The following NCAM2 variants were observed in gnomAD, a reference collection of about 807,000 sequenced individuals.
NCAM2 encodes neural cell adhesion molecule 2, also known as N-CAM-2.
NCAM2 carries 30 observed loss-of-function variants against 98.1 expected under a neutral mutation model. That is an observed-to-expected ratio of 0.31 (90% confidence interval 0.23 to 0.41). The LOEUF is 0.41. NCAM2 is among the 10% of genes least tolerant of loss of function. NCAM2 has a pLI of 1.00. For synonymous variants in NCAM2, 368 were observed against 342.4 expected, an observed-to-expected ratio of 1.07 and a Z score of -0.83; for missense variants, 867 against 1,005.8, an observed-to-expected ratio of 0.86 and a Z score of 1.87.
intron 16 of NCAM2, among the ~76,000 whole-genome samples, chr21:21,512,666 G>C (rs144429533): frequency 9.2e-5 from 14 of 152,022 alleles, no homozygotes; most frequent in African/African-American, 3.4e-4. Flanking sequence ...TGAATCTGTA[G>C]ATTTCTTTGA....
chr21:21,171,587 C>T (rs2068126168), intron 1 of NCAM2, among the ~76,000 whole-genome samples: 1 of 152,110 alleles, frequency 6.6e-6, no homozygotes, highest in South Asian at 2.1e-4. Context: ...TTTTCTTAAC[C>T]ACCCTTGACT....
At chr21:21,364,566 T>A (rs2075735906) in intron 8 of NCAM2, among the ~76,000 whole-genome samples, 1 of 151,924 alleles carries the variant, frequency 6.6e-6, no homozygotes, top group African/African-American at 2.4e-5. Context: ...ATGTGATTGT[T>A]TAAAAAGAAA....
At chr21:21,525,863 A>G (rs1442785677) in intron 16 of NCAM2, among the ~76,000 whole-genome samples, 2 of 152,144 alleles carry the variant, frequency 1.3e-5, no homozygotes, top group Non-Finnish European at 2.9e-5. Context: ...TAAAAAATCA[A>G]TGTAAATCCA....
chr21:21,249,196 G>T (rs1367363589), intron 1 of NCAM2, among the ~76,000 whole-genome samples: 2 of 152,102 alleles, frequency 1.3e-5, no homozygotes, highest in Non-Finnish European at 2.9e-5. Flanking sequence ...ACATATTCCA[G>T]TCTTCTGAAA....
chr21:21,339,678 A>T (rs2074972457), intron 8 of NCAM2, among the ~76,000 whole-genome samples: 1 of 151,930 alleles, frequency 6.6e-6, no homozygotes, highest in Non-Finnish European at 1.5e-5. Flanking sequence ...TGATAGTAAA[A>T]AAGAGAAGAA....
intron 6 of NCAM2, among the ~76,000 whole-genome samples, chr21:21,328,579 T>TAAAAAAAAGAAAAAAAAAAA (rs2074585204): frequency 7.0e-6 from 1 of 143,192 alleles, no homozygotes. Context: ...TATCTTCCTT[T>TAAAAAAAAGAAAAAAAAAAA]AAAAAAAAAA....
intron 15 of NCAM2, among the ~76,000 whole-genome samples, chr21:21,491,672 G>T (rs1986858283): frequency 1.3e-5 from 2 of 151,522 alleles, no homozygotes; most frequent in African/African-American, 4.8e-5. Context: ...ATTCAAAAGA[G>T]AAAATGTTCA....
intron 12 of NCAM2, among the ~76,000 whole-genome samples, chr21:21,456,316 C>A (rs1569083527): frequency 2.0e-5 from 3 of 152,124 alleles, no homozygotes; most frequent in South Asian, 4.1e-4. Context: ...AGAATAAAAT[C>A]TCTAATTAAC....
At chr21:21,149,043 A>G (rs1252945646) in intron 1 of NCAM2, among the ~76,000 whole-genome samples, 4 of 152,078 alleles carry the variant, frequency 2.6e-5, no homozygotes, top group Non-Finnish European at 5.9e-5. Flanking sequence ...ATGTGGTTCT[A>G]TTTCTGGACT....
chr21:21,477,794 A>T (rs1456732675), intron 15 of NCAM2, among the ~76,000 whole-genome samples: 1 of 152,204 alleles, frequency 6.6e-6, no homozygotes, highest in Admixed American at 6.5e-5. Flanking sequence ...TGCTAAGAAG[A>T]CAATTTCTCT....
intron 7 of NCAM2, among the ~76,000 whole-genome samples, chr21:21,338,177 A>G (rs531002440): frequency 6.6e-5 from 10 of 152,206 alleles, no homozygotes; most frequent in African/African-American, 2.4e-4. Context: ...TATTTTGTAT[A>G]ATGGTAACAG....
intron 17 of NCAM2, among the ~76,000 whole-genome samples, chr21:21,536,625 T>A (rs1195131217): frequency 6.6e-6 from 1 of 152,168 alleles, no homozygotes; most frequent in South Asian, 2.1e-4. Flanking sequence ...CCTGACCTCA[T>A]GTGATCCGCC....
intron 10 of NCAM2, among the ~76,000 whole-genome samples, chr21:21,411,594 C>T (rs1308712631): frequency 6.6e-6 from 1 of 151,998 alleles, no homozygotes; most frequent in African/African-American, 2.4e-5. Context: ...TGAAAATGAT[C>T]ATCACCCTTT....
rs2076832186 is a variant in NCAM2 at position 21,410,427 on chromosome 21, A to G, written c.1349A>G (p.Lys450Arg). ...VLPAKNTTNL[K>R]TYSTGRKMIL... ...CCTGCTAAAAACACGACCAATTTAAAGACTTATAGTACAGGAAGAAAGATG... is the reference window on the plus strand; with the variant it reads ...CCTGCTAAAAACACGACCAATTTAAGGACTTATAGTACAGGAAGAAAGATG... Residue 450 changes from lysine (K) to arginine (R), a missense_variant, in exon 10 of 18, where the codon AAG becomes AGG. By Grantham distance (26) the Lys-to-Arg change is conservative. This residue lies in a region of NCAM2 where 56 missense variants were observed against 39.6 expected (regional missense o/e 1.41). Transcript: ENST00000400546. 1.3e-6 allele frequency: 2 copies of G among 1,588,432 alleles called. No individual in the cohort carries two copies. Among genetic ancestry groups the G allele is most frequent in the Non-Finnish European group, 1.7e-6 (2 of 1,166,640 alleles).
At chr21:21,263,093 T>C (rs2071987069) in intron 1 of NCAM2, among the ~76,000 whole-genome samples, 1 of 152,116 alleles carries the variant, frequency 6.6e-6, no homozygotes, top group African/African-American at 2.4e-5. Context: ...CATGATCCTA[T>C]ACCTAGAAAA....
At chr21:21,474,937 C>T (rs924373394) in intron 14 of NCAM2, among the ~76,000 whole-genome samples, 2 of 150,972 alleles carry the variant, frequency 1.3e-5, no homozygotes, top group East Asian at 1.9e-4. Flanking sequence ...TCTCAAATTA[C>T]TTTTGGGTTG....
chr21:21,109,002 A>G (rs531379968), intron 1 of NCAM2, among the ~76,000 whole-genome samples: 1 of 152,282 alleles, frequency 6.6e-6, no homozygotes, highest in Non-Finnish European at 1.5e-5. Flanking sequence ...TTTTACACAA[A>G]TATTTTTCCT....
At chr21:21,310,896 A>G (rs950332689) in intron 5 of NCAM2, among the ~76,000 whole-genome samples, 6 of 152,190 alleles carry the variant, frequency 3.9e-5, no homozygotes, top group African/African-American at 1.4e-4. Context: ...TATCTTTTCC[A>G]GAGTGCCATA....
intron 11 of NCAM2, 59 bp from the exon 12 acceptor site, chr21:21,432,049 T>C: frequency 6.6e-7 from 1 of 1,523,508 alleles, no homozygotes; most frequent in Non-Finnish European, 9.0e-7. Flanking sequence ...ACCATAAGCC[T>C]TAATAATGGC....
Sources: allele counts gnomAD v4.1 joint callset (sites outside exome capture counted in the v4.1 genomes callset), GRCh38; gene constraint gnomAD v4.1.1; regional missense constraint gnomAD v4.1.1; transcripts MANE v1.5; gene names NCBI Gene and HGNC (gene_info 2026-07-23, HGNC 2026-07-21).